Variants in PSD3 observed in about 807,000 individuals in gnomAD.
The protein encoded by PSD3 is PH and SEC7 domain-containing protein 3.
In PSD3, 49 loss-of-function variants were observed where a neutral mutation model predicts 105.5. That is an observed-to-expected ratio of 0.46 (90% CI 0.37 to 0.59). The LOEUF (loss-of-function observed/expected upper bound fraction) is 0.59. Ranked by LOEUF, PSD3 falls within the 20% of genes least tolerant of loss-of-function variation. The pLI is 0.00. For synonymous variants in PSD3, 557 were observed against 457.8 expected (o/e 1.22, Z -2.77); for missense variants, 1,561 against 1,263.8 (o/e 1.24, Z -3.57).
chr8:18,804,856 T>C lies in PSD3; in HGVS notation c.1677A>G (p.Glu559=), dbSNP rs778128500. ...VKTTRLEAHS[E]MGSTEILEKE... ...TTTCCAAAATTTCAGTGCTCCCCATTTCAGAATGAGCTTCTAGCCGTGTTG... is the reference window on the plus strand; with the variant it reads ...TTTCCAAAATTTCAGTGCTCCCCATCTCAGAATGAGCTTCTAGCCGTGTTG... The change falls in exon 5 of 16, where the codon GAA becomes GAG. Residue 559 remains glutamate, a synonymous_variant. Transcript: ENST00000327040. 1.6e-5 allele frequency: 26 copies of C among 1,613,126 alleles called. 1 individual carries two copies. The South Asian group carries it at 2.4e-4, about 15-fold the overall frequency.
At chr8:18,996,336 C>A (rs1316981071) in intron 1 of PSD3, among the ~76,000 whole-genome samples, 1 of 151,862 alleles carries the variant, frequency 6.6e-6, no homozygotes, top group Non-Finnish European at 1.5e-5. Context: ...ACCTCAGATC[C>A]ATGCATATTG....
intron 9 of PSD3, chr8:18,763,065 C>A: frequency 2.0e-6 from 1 of 498,532 alleles, no homozygotes; most frequent in Non-Finnish European, 3.8e-6. Flanking sequence ...ATGTTTCCAG[C>A]TACAAAATGA....
intron 8 of PSD3, among the ~76,000 whole-genome samples, chr8:18,790,637 G>A (rs566057382): frequency 2.6e-4 from 40 of 152,074 alleles, no homozygotes; most frequent in African/African-American, 9.4e-4. Context: ...ACACCTAATG[G>A]TTAGGTTCTC....
chr8:18,739,977 T>C (rs1804432732), intron 9 of PSD3, among the ~76,000 whole-genome samples: 1 of 152,188 alleles, frequency 6.6e-6, no homozygotes, highest in African/African-American at 2.4e-5. Flanking sequence ...ACAAATAATA[T>C]AATATCAAAT....
At position 18,948,863 on chromosome 8, in the gene PSD3, T is replaced by C. The variant is rs563988717; in HGVS notation, c.22-12721A>G. Reference sequence around the variant, plus strand: ...AAATGTGATTTTAAGGTGGGAATCATGAGAAGTAAGTGTCTTCTCACCTTA... The same window carrying C: ...AAATGTGATTTTAAGGTGGGAATCACGAGAAGTAAGTGTCTTCTCACCTTA... On this transcript the variant is annotated intron_variant, in intron 1 of 15. Transcript: ENST00000327040. Among the ~76,000 whole-genome samples, 66 of 124,910 alleles carry C rather than the reference T, an allele frequency of 5.3e-4. No homozygotes were observed. In the South Asian group the frequency reaches 0.015, roughly 28 times the overall value. The allele number at this position is 124,910 out of a possible 152,430, so 81.9% of individuals were successfully genotyped here. A position where few individuals can be genotyped will look rare whatever the true frequency, so the allele number is the denominator to read the frequency against.
At position 18,529,972 on chromosome 8, in the gene PSD3, A is replaced by G. The variant is rs1483021786; in HGVS notation, c.*5771T>C. 7 of 152,380 alleles carry G rather than the reference A, an allele frequency of 4.6e-5. No homozygotes were observed. Among genetic ancestry groups the G allele is most frequent in the African/African-American group, 1.7e-4 (7 of 41,456 alleles). 9.4% of individuals were successfully genotyped at this position (152,380 alleles called of 1,614,324 possible). ...TTGCAAAAATAGTTTGAGACTATAG[A>G]GTTAATTAACAACAACAAAAAAATG... On this transcript the variant is annotated 3_prime_UTR_variant, in exon 16 of 16. Transcript: ENST00000327040.
At chr8:18,914,891 A>T (rs949826700) in intron 2 of PSD3, among the ~76,000 whole-genome samples, 5 of 152,194 alleles carry the variant, frequency 3.3e-5, no homozygotes, top group African/African-American at 4.8e-5. Context: ...GACCCCAAAT[A>T]ACCAAACCAA....
At chr8:18,663,760 T>C (rs1331948111) in intron 9 of PSD3, among the ~76,000 whole-genome samples, 1 of 152,236 alleles carries the variant, frequency 6.6e-6, no homozygotes, top group Admixed American at 6.5e-5. Flanking sequence ...AGTATAGGGA[T>C]ACCTCACTGT....
chr8:18,822,279 A>G (rs963969717), intron 4 of PSD3, among the ~76,000 whole-genome samples: 3 of 152,184 alleles, frequency 2.0e-5, no homozygotes, highest in Non-Finnish European at 4.4e-5. Flanking sequence ...AAGAAGAAGT[A>G]TGATGCATAG....
intron 14 of PSD3, among the ~76,000 whole-genome samples, chr8:18,571,707 T>C (rs1323622698): frequency 6.6e-6 from 1 of 152,210 alleles, no homozygotes; most frequent in East Asian, 1.9e-4. Flanking sequence ...TCTCTTGCCA[T>C]GGGACACATC....
At chr8:18,675,680 C>T (rs1258184868) in intron 9 of PSD3, among the ~76,000 whole-genome samples, 2 of 152,016 alleles carry the variant, frequency 1.3e-5, no homozygotes, top group Non-Finnish European at 2.9e-5. Flanking sequence ...AATGTACCAT[C>T]GGAACATGGT....
chr8:18,994,569 G>A (rs1825968513), intron 1 of PSD3, among the ~76,000 whole-genome samples: 1 of 152,024 alleles, frequency 6.6e-6, no homozygotes, highest in Non-Finnish European at 1.5e-5. Context: ...CAGATGTGCT[G>A]TGAGTGTAAA....
At chr8:18,759,639 A>T (rs993844031) in intron 9 of PSD3, among the ~76,000 whole-genome samples, 7 of 152,144 alleles carry the variant, frequency 4.6e-5, no homozygotes, top group Admixed American at 1.3e-4. Context: ...CAGAGTATTA[A>T]ATGGTAGATG....
At chr8:18,896,445 GCT>G (rs1222921192) in intron 2 of PSD3, among the ~76,000 whole-genome samples, 2 of 152,088 alleles carry the variant, frequency 1.3e-5, no homozygotes, top group East Asian at 3.9e-4. Context: ...ACAGGGTCTC[GCT>G]CTGTCGTTCA....
chr8:18,824,472 G>A (rs1389999333), intron 4 of PSD3, among the ~76,000 whole-genome samples: 2 of 152,102 alleles, frequency 1.3e-5, no homozygotes, highest in African/African-American at 4.8e-5. Flanking sequence ...CAGAACACCT[G>A]CCTTACAGGG....
chr8:18,902,105 T>G (rs141174732), intron 2 of PSD3, among the ~76,000 whole-genome samples: 88 of 152,334 alleles, frequency 5.8e-4, no homozygotes, highest in African/African-American at 2.0e-3. Context: ...TCCCCAAACT[T>G]GGGAAGTTTT....
intron 12 of PSD3, among the ~76,000 whole-genome samples, chr8:18,587,227 C>G (rs984648902): frequency 3.9e-5 from 6 of 152,126 alleles, no homozygotes; most frequent in African/African-American, 1.4e-4. Context: ...GTGAGGAGGG[C>G]TGCTTAGCAT....
chr8:18,839,758 T>A (rs990528007), intron 4 of PSD3, among the ~76,000 whole-genome samples: 1 of 152,172 alleles, frequency 6.6e-6, no homozygotes, highest in Non-Finnish European at 1.5e-5. Context: ...AGTATCTTAC[T>A]CATCACGCAA....
rs532142150 is a variant in PSD3 at position 19,034,466 on chromosome 8, G to A, written c.324+49740C>T. Among the ~76,000 whole-genome samples, 149 of 152,148 alleles carry A rather than the reference G, an allele frequency of 9.8e-4. 1 individual carries two copies. Among genetic ancestry groups the A allele is most frequent in the Middle Eastern group, 6.8e-3 (2 of 294 alleles). ...TCCAGTTTCTGCTTCATTACTTCCCGTGCCAGAGAAGTGAGTCACTGCCTT... is the reference window on the plus strand; with the variant it reads ...TCCAGTTTCTGCTTCATTACTTCCCATGCCAGAGAAGTGAGTCACTGCCTT... On this transcript the variant is annotated intron_variant, in intron 1 of 1. Transcript: ENST00000521475.
Sources: gnomAD v4.1 joint callset for allele counts (sites outside exome capture counted in the v4.1 genomes callset) on GRCh38, gnomAD v4.1.1 for gene constraint, MANE v1.5 for transcripts, NCBI Gene and HGNC (gene_info 2026-07-23, HGNC 2026-07-21) for gene names.